The following ACSL3 variants were observed in gnomAD, a reference collection of about 807,000 sequenced individuals.
ACSL3 encodes fatty acid CoA ligase Acsl3.
ACSL3 carries 34 observed loss-of-function variants against 84.7 expected under a neutral mutation model. The observed-to-expected ratio is 0.40, with a 90% CI of 0.31 to 0.53. ACSL3 has a LOEUF of 0.53. ACSL3 is among the 20% of genes least tolerant of loss of function. The pLI is 0.48. For synonymous variants in ACSL3, 315 were observed against 299.4 expected (o/e 1.05, Z -0.54); for missense variants, 680 against 873.1 (o/e 0.78, Z 2.79).
At chr2:222,930,259 A>G (rs1378191641) in intron 13 of ACSL3, among the ~76,000 whole-genome samples, 2 of 152,168 alleles carry the variant, frequency 1.3e-5, no homozygotes, top group East Asian at 3.8e-4. Flanking sequence ...GATTTGTTCT[A>G]TTAATTGCAT....
intron 14 of ACSL3, 76 bp from the exon 15 acceptor site, chr2:222,933,090 G>T: frequency 1.2e-6 from 1 of 826,434 alleles, no homozygotes. Flanking sequence ...AGAATGGCCA[G>T]TATTTATATA....
At chr2:222,871,225 C>T (rs1482503244) in intron 1 of ACSL3, among the ~76,000 whole-genome samples, 1 of 144,102 alleles carries the variant, frequency 6.9e-6, no homozygotes, top group Non-Finnish European at 1.5e-5. Flanking sequence ...GAAGAGTCAG[C>T]TTTCCATTTG....
intron 10 of ACSL3, 119 bp downstream of exon 10, chr2:222,923,268 T>G (rs1696787135): frequency 2.4e-6 from 2 of 828,488 alleles, no homozygotes; most frequent in African/African-American, 3.4e-5. Context: ...TATTCCTTAT[T>G]GATTATAAAT....
intron 2 of ACSL3, among the ~76,000 whole-genome samples, chr2:222,890,391 T>A (rs1466218155): frequency 6.6e-6 from 1 of 152,248 alleles, no homozygotes; most frequent in Non-Finnish European, 1.5e-5. Context: ...GTACCTCTTA[T>A]AAATGGAATA....
intron 1 of ACSL3, among the ~76,000 whole-genome samples, chr2:222,880,786 C>T (rs1355343918): frequency 2.0e-5 from 3 of 149,900 alleles, no homozygotes; most frequent in African/African-American, 4.9e-5. Context: ...GCAGAGTTCA[C>T]GCCACTGCAC....
intron 11 of ACSL3, 117 bp from the exon 12 acceptor site, chr2:222,926,900 T>C: frequency 8.5e-7 from 1 of 1,171,950 alleles, no homozygotes; most frequent in South Asian, 1.7e-5. Flanking sequence ...CTGTGTGACC[T>C]TGGATAAGTA....
rs1242796135 is a variant in ACSL3, at chr2:222,897,898, A to T, written c.-147-2776A>T. Among the ~76,000 whole-genome samples, 2 of 3,048 alleles carry T rather than the reference A, an allele frequency of 6.6e-4. 1 individual carries two copies. Among genetic ancestry groups the T allele is most frequent in the Non-Finnish European group, 8.2e-4 (2 of 2,442 alleles). The allele number at this position is 3,048 out of a possible 152,430, so 2.0% of individuals were successfully genotyped here. On this transcript the variant is annotated intron_variant, in intron 2 of 16. Coordinates refer to ENST00000357430, the MANE Select transcript of ACSL3 (RefSeq NM_004457.5). ...TACAGTCCAGCTTCGGCTCGGCATC[A>T]GAGGGAGACCGTGGAGAGGGAGAGG...
chr2:222,878,989 T>C (rs1168637239), intron 1 of ACSL3, among the ~76,000 whole-genome samples: 3 of 152,156 alleles, frequency 2.0e-5, no homozygotes, highest in Non-Finnish European at 2.9e-5. Context: ...ATTTTCTGTG[T>C]TGACCCAAGT....
At chr2:222,913,132 A>G (rs886258163) in intron 4 of ACSL3, among the ~76,000 whole-genome samples, 12 of 152,244 alleles carry the variant, frequency 7.9e-5, no homozygotes, top group African/African-American at 2.7e-4. Context: ...TATAAAAATA[A>G]GAAGAGAATG....
intron 1 of ACSL3, among the ~76,000 whole-genome samples, chr2:222,876,298 T>C (rs1695446462): frequency 6.6e-6 from 1 of 152,118 alleles, no homozygotes. Flanking sequence ...GTTATTGCTT[T>C]ATGGTTTTTT....
chr2:222,903,294 A>G (rs1270274370), intron 3 of ACSL3, among the ~76,000 whole-genome samples: 2 of 152,084 alleles, frequency 1.3e-5, no homozygotes, highest in Non-Finnish European at 2.9e-5. Context: ...AGTGTGTGCC[A>G]CCATACCTGG....
chr2:222,930,866 A>G (rs1433006215), intron 14 of ACSL3, 54 bp downstream of exon 14: 45 of 1,484,212 alleles, frequency 3.0e-5, no homozygotes, highest in Non-Finnish European at 3.8e-5. Flanking sequence ...AGTTTACACA[A>G]GAAGCACAAT....
intron 4 of ACSL3, among the ~76,000 whole-genome samples, chr2:222,912,492 A>G (rs767325370): frequency 3.3e-5 from 5 of 152,206 alleles, no homozygotes; most frequent in Admixed American, 1.3e-4. Context: ...TAGTTTCCAT[A>G]TTTGAAGATA....
At chr2:222,935,178 G>A (rs1447684062) in intron 16 of ACSL3, among the ~76,000 whole-genome samples, 3 of 152,080 alleles carry the variant, frequency 2.0e-5, no homozygotes, top group Admixed American at 6.5e-5. Flanking sequence ...TAAAACAAGC[G>A]TGAATTATTT....
At chr2:222,906,911 A>G (rs544603014) in intron 3 of ACSL3, among the ~76,000 whole-genome samples, 73 of 152,116 alleles carry the variant, frequency 4.8e-4, no homozygotes, top group African/African-American at 1.7e-3. Flanking sequence ...CTTACCACCA[A>G]TGTCTGTGTT....
chr2:222,890,418 C>A (rs750728751), intron 2 of ACSL3, among the ~76,000 whole-genome samples: 14 of 152,180 alleles, frequency 9.2e-5, no homozygotes, highest in Non-Finnish European at 1.6e-4. Context: ...TTAAAATCAT[C>A]TTGAAAATCT....
chr2:222,894,786 A>G (rs988638832), intron 2 of ACSL3, among the ~76,000 whole-genome samples: 4 of 152,176 alleles, frequency 2.6e-5, no homozygotes, highest in Admixed American at 6.5e-5. Context: ...TTCTAGGTCA[A>G]TGCATGTACA....
chr2:222,890,772 G>T (rs1267887541), intron 2 of ACSL3, among the ~76,000 whole-genome samples: 2 of 152,056 alleles, frequency 1.3e-5, no homozygotes, highest in Non-Finnish European at 2.9e-5. Context: ...CTCCCAAGTA[G>T]CTGGGATTAC....
intron 1 of ACSL3, among the ~76,000 whole-genome samples, chr2:222,875,146 A>G (rs980610442): frequency 6.6e-6 from 1 of 152,188 alleles, no homozygotes; most frequent in Non-Finnish European, 1.5e-5. Context: ...GGCACGTATT[A>G]AATGCTCAGT....
Sources: allele counts gnomAD v4.1 joint callset (sites outside exome capture counted in the v4.1 genomes callset), GRCh38; gene constraint gnomAD v4.1.1; transcripts MANE v1.5; gene names NCBI Gene and HGNC (gene_info 2026-07-23, HGNC 2026-07-21).